The following FMC1 variants were observed in gnomAD, a reference collection of about 807,000 sequenced individuals.
FMC1 encodes formation of mitochondrial complex V assembly factor 1.
A neutral mutation model predicts 10.5 loss-of-function variants in FMC1; 6 were observed. That is an observed-to-expected ratio of 0.57 (90% confidence interval 0.31 to 1.12). The LOEUF (loss-of-function observed/expected upper bound fraction) is 1.12. Ranked by LOEUF, FMC1 falls within the 50% of genes most tolerant of loss-of-function variation. The pLI, the probability that FMC1 is intolerant of heterozygous loss-of-function variation, is 0.05. For missense variants in FMC1, 146 were observed against 151.7 expected (o/e 0.96, Z 0.20); for synonymous variants, 59 against 62.1 (o/e 0.95, Z 0.24).
chr7:139,345,555 A>G lies in FMC1; in HGVS notation c.193A>G (p.Thr65Ala). 2.5e-6 allele frequency: 4 copies of G among 1,614,054 alleles called. No homozygotes were observed. The highest frequency in any genetic ancestry group is 1.1e-5 in the South Asian group (1 of 91,074). ...ACATGAGCTTCATTTCCAAGCTGCC[A>G]CCTATCTCTGCCTCCTGCGTAGCAT... ...AQHELHFQAA[T>A]YLCLLRSIRK... The change falls in exon 2 of 2, where the codon ACC becomes GCC. Residue 65 changes from threonine to alanine, a missense_variant. Transcript: ENST00000297534.
Position 139,341,408 on chromosome 7 carries a change from G to T in FMC1, c.24G>T (p.Ser8=). 6.2e-7 allele frequency: 1 copy of T among 1,613,158 alleles called. No homozygotes were observed. ...CAATGGCGGCCTTAGGGTCCCCGTC[G>T]CACACTTTTCGAGGACTTCTGCGGG... MAALGSP[S]HTFRGLLREL... is the part of the protein sequence containing the mutation. The change falls in exon 1 of 2, where the codon TCG becomes TCT. Residue 8 remains serine, a synonymous_variant. Transcript: ENST00000297534.
In FMC1 at chr7:139,345,367, A is replaced by G. The variant is rs1563248406; in HGVS notation, c.139-134A>G. On this transcript the variant is annotated intron_variant, in intron 1 of 1. Transcript: ENST00000297534. ...GCCTCTATAGATGTATTAAGTATAC[A>G]TGTATATACATACATGTCTGTATTT... is the stretch of plus-strand genomic sequence containing the variant. 6.0e-6 allele frequency: 8 copies of G among 1,340,214 alleles called. No individual in the cohort carries two copies. In the South Asian group the frequency reaches 8.9e-5, roughly 15 times the overall value. The allele number at this position is 1,340,214 out of a possible 1,614,324, so 83.0% of individuals were successfully genotyped here.
chr7:139,340,695 C>G, upstream of FMC1: 1 of 391,830 alleles, frequency 2.6e-6, no homozygotes, highest in Non-Finnish European at 4.5e-6. Flanking sequence ...GCGTCGTTTG[C>G]AGAAGCCCCA....
chr7:139,345,279 C>T (rs922706367), intron 1 of FMC1, among the ~76,000 whole-genome samples: 1 of 152,106 alleles, frequency 6.6e-6, no homozygotes, highest in Non-Finnish European at 1.5e-5. Flanking sequence ...AATACAGGGA[C>T]ATTCAATGCA....
upstream of FMC1, chr7:139,340,746 T>G: frequency 5.3e-6 from 2 of 377,942 alleles, no homozygotes; most frequent in Non-Finnish European, 4.7e-6. Context: ...AAGCCAGGGA[T>G]TGTGGGTTCG....
intron 1 of FMC1, among the ~76,000 whole-genome samples, chr7:139,343,178 C>A (rs1233090678): frequency 6.6e-6 from 1 of 152,182 alleles, no homozygotes; most frequent in Non-Finnish European, 1.5e-5. Context: ...ATTCCCATGT[C>A]AAATTCCACA....
chr7:139,341,992 C>A (rs932728961), intron 1 of FMC1, among the ~76,000 whole-genome samples: 2 of 152,186 alleles, frequency 1.3e-5, no homozygotes, highest in Admixed American at 6.5e-5. Flanking sequence ...AAAAGAACAA[C>A]TGGGCTTTAG....
intron 1 of FMC1, among the ~76,000 whole-genome samples, chr7:139,342,219 A>G (rs567073257): frequency 2.6e-5 from 4 of 152,334 alleles, no homozygotes; most frequent in African/African-American, 7.2e-5. Context: ...TGCCCACCTA[A>G]GGAGCCATAC....
At chr7:139,342,760 C>T (rs994038230) in intron 1 of FMC1, among the ~76,000 whole-genome samples, 1 of 152,142 alleles carries the variant, frequency 6.6e-6, no homozygotes, top group Admixed American at 6.5e-5. Context: ...TCAAACCTGG[C>T]CCCATTCTAA....
chr7:139,341,272 G>A (rs1372512215), upstream of FMC1: 2 of 1,483,450 alleles, frequency 1.3e-6, no homozygotes, highest in African/African-American at 2.8e-5. Flanking sequence ...CTCGTCAGTC[G>A]ATAGGGGGAG....
In FMC1 at chr7:139,341,441, C is replaced by G; in HGVS notation, c.57C>G (p.Arg19=). The G allele has an allele frequency of 6.2e-7, 1 of 1,613,600 alleles. No individual in the cohort carries two copies. Among genetic ancestry groups the G allele is most frequent in the African/African-American group, 1.3e-5 (1 of 75,054 alleles). Residue 19 remains arginine, a synonymous_variant, in exon 1 of 2, where the codon CGC becomes CGG. Transcript: ENST00000297534. ...TTCGAGGACTTCTGCGGGAGTTGCG[C>G]TACCTGAGCGCGGCCACCGGCCGAC... The part of the protein sequence containing the change: ...HTFRGLLREL[R]YLSAATGRPY...
chr7:139,345,569 C>T lies in FMC1; in HGVS notation c.207C>T (p.Leu69=). ...LHFQAATYLC[L]LRSIRKHVAL... is the part of the protein sequence containing the mutation. ...TCCAAGCTGCCACCTATCTCTGCCTCCTGCGTAGCATCCGGAAACATGTGG... is the reference window on the plus strand; with the variant it reads ...TCCAAGCTGCCACCTATCTCTGCCTTCTGCGTAGCATCCGGAAACATGTGG... Residue 69 remains leucine, a synonymous_variant, in exon 2 of 2, where the codon CTC becomes CTT. Coordinates refer to ENST00000297534, the MANE Select transcript of FMC1 (RefSeq NM_197964.5). 6.2e-7 allele frequency: 1 copy of T among 1,614,122 alleles called. No individual in the cohort carries two copies. The highest frequency in any genetic ancestry group is 8.5e-7 in the Non-Finnish European group (1 of 1,180,036).
At chr7:139,341,125 G>C, upstream of FMC1, 1 of 412,536 alleles carries the variant, frequency 2.4e-6, no homozygotes, top group Non-Finnish European at 4.0e-6. Flanking sequence ...AAAAGCCCCT[G>C]TTTCCCCAAA....
intron 1 of FMC1, among the ~76,000 whole-genome samples, chr7:139,343,802 G>A (rs1308466177): frequency 1.3e-5 from 2 of 151,970 alleles, no homozygotes; most frequent in South Asian, 4.2e-4. Flanking sequence ...GGATATGGTG[G>A]TGTGCGTCTG....
At chr7:139,341,603 G>C in intron 1 of FMC1, 81 bp downstream of exon 1, 1 of 1,539,286 alleles carries the variant, frequency 6.5e-7, no homozygotes. Context: ...GGAGCACGGT[G>C]TTTAATTCCT....
chr7:139,340,540 G>C, upstream of FMC1: 1 of 398,440 alleles, frequency 2.5e-6, no homozygotes, highest in African/African-American at 2.1e-5. Flanking sequence ...GCGCGGTGAT[G>C]TGGACTTTTG....
upstream of FMC1, chr7:139,341,210 TG>T: frequency 8.4e-7 from 1 of 1,186,456 alleles, no homozygotes; most frequent in Non-Finnish European, 1.1e-6. Flanking sequence ...ACGGCGCCCC[TG>T]GGCCTTCGAT....
rs1163028006 is a variant in FMC1, at chr7:139,343,926, CA to C, written c.139-1555del. On this transcript the variant is annotated intron_variant, in intron 1 of 1. Transcript: ENST00000297534. ...GGGCAACAAAGTGAGACCCTGTCCC[CA>C]AAAAAAAAAAAAAAAAAAAGAGTTG... Among the ~76,000 whole-genome samples the C allele has an allele frequency of 3.5e-3, 364 of 104,886 alleles. 1 individual carries two copies. The highest frequency in any genetic ancestry group is 5.3e-3 in the Middle Eastern group (1 of 190). The allele number at this position is 104,886 out of a possible 152,430, so 68.8% of individuals were successfully genotyped here. A position where few individuals can be genotyped will look rare whatever the true frequency, so the allele number is the denominator to read the frequency against.
chr7:139,341,892 T>C (rs6947215), intron 1 of FMC1, among the ~76,000 whole-genome samples: 59,311 of 152,158 alleles, frequency 0.39, 16,188 homozygotes, highest in African/African-American at 0.78. Context: ...GGTGTACTGT[T>C]GCTAGACTTA....
Sources: gnomAD v4.1 joint callset for allele counts (sites outside exome capture counted in the v4.1 genomes callset) on GRCh38, gnomAD v4.1.1 for gene constraint, MANE v1.5 for transcripts, NCBI Gene and HGNC (gene_info 2026-07-23, HGNC 2026-07-21) for gene names.